Variants in LIMCH1 observed in about 807,000 individuals in gnomAD.
The protein encoded by LIMCH1 is LIM and calponin homology domains 1, also known as LIM and calponin homology domains-containing protein 1.
A neutral mutation model predicts 176.5 loss-of-function variants in LIMCH1; 113 were observed. The observed-to-expected ratio is 0.64, with a 90% confidence interval of 0.55 to 0.75. The LOEUF is 0.75. LIMCH1 is among the 30% of genes least tolerant of loss of function. The pLI is 0.00. For synonymous variants in LIMCH1, 619 were observed against 645.9 expected (o/e 0.96, Z 0.63); for missense variants, 1,674 against 1,814.9 (o/e 0.92, Z 1.41).
chr4:41,610,100 G>C (rs535419004), intron 4 of LIMCH1, among the ~76,000 whole-genome samples: 98 of 152,314 alleles, frequency 6.4e-4, no homozygotes, highest in African/African-American at 2.3e-3. Context: ...TTTGATTCTT[G>C]GCTTTCTACA....
chr4:41,511,562 C>G (rs2074926908), intron 2 of LIMCH1, among the ~76,000 whole-genome samples: 1 of 152,214 alleles, frequency 6.6e-6, no homozygotes, highest in South Asian at 2.1e-4. Context: ...TTTTAACTTT[C>G]TATTAGATGA....
At chr4:41,646,319 A>G in intron 16 of LIMCH1, 39 bp downstream of exon 16, 1 of 1,559,432 alleles carries the variant, frequency 6.4e-7, no homozygotes, top group Non-Finnish European at 8.6e-7. Context: ...GTACAATATT[A>G]TCTAGGTGTT....
intron 3 of LIMCH1, 66 bp downstream of exon 3, chr4:41,603,971 G>T: frequency 7.3e-7 from 1 of 1,364,600 alleles, no homozygotes; most frequent in Admixed American, 1.7e-5. Context: ...CTAATTCAGT[G>T]TTTCTCATAT....
At chr4:41,469,504 C>T (rs1292800297) in intron 1 of LIMCH1, among the ~76,000 whole-genome samples, 1 of 152,160 alleles carries the variant, frequency 6.6e-6, no homozygotes, top group Non-Finnish European at 1.5e-5. Context: ...CAGCCATAGG[C>T]ATTCTTCATA....
chr4:41,592,462 C>CT (rs10714719), intron 1 of LIMCH1, among the ~76,000 whole-genome samples: 26 of 150,592 alleles, frequency 1.7e-4, no homozygotes, highest in Admixed American at 1.3e-3. Context: ...CAGCAACTAT[C>CT]TTTTTTTTTT....
rs184117721 is a variant in LIMCH1, at chr4:41,662,824, C to T, written c.3131C>T (p.Pro1044Leu). 2.5e-6 allele frequency: 4 copies of T among 1,613,932 alleles called. No individual in the cohort carries two copies. The East Asian group carries it at 8.9e-5, about 36-fold the overall frequency. ...TCTGGATGTAACTCCATTGCAGAAC[C>T]ACAGCATTTTACAACAACTGTGACT... ...KGNIELASSEPQHFTTTVTRC... is the reference protein window; with the variant it reads ...KGNIELASSELQHFTTTVTRC... The change falls in exon 20 of 32, where the codon CCA (proline) becomes CTA (leucine). Residue 1044 changes from proline to leucine, a missense_variant. Pro to Leu is a moderately conservative substitution (Grantham distance 98, BLOSUM62 -3). This residue lies in a region of LIMCH1 where 1,015 missense variants were observed against 1,102.5 expected (regional missense o/e 0.92). Coordinates refer to ENST00000503057, the MANE Select transcript of LIMCH1 (RefSeq NM_001330672.2).
chr4:41,361,614 G>T (rs1472495941), intron 1 of LIMCH1, among the ~76,000 whole-genome samples: 1 of 152,184 alleles, frequency 6.6e-6, no homozygotes, highest in Non-Finnish European at 1.5e-5. Flanking sequence ...CCGAAGTACG[G>T]GCTACCCGGT....
rs2094675177 is a variant in LIMCH1 at position 41,662,829 on chromosome 4, C to A, written c.3136C>A (p.His1046Asn). 3 of 1,614,022 alleles carry A rather than the reference C, an allele frequency of 1.9e-6. No homozygotes were observed. Among genetic ancestry groups the A allele is most frequent in the Non-Finnish European group, 2.5e-6 (3 of 1,179,962 alleles). Residue 1046 changes from histidine to asparagine, a missense_variant, in exon 20 of 32, where the codon CAT becomes AAT. Coordinates refer to ENST00000503057, the MANE Select transcript of LIMCH1 (RefSeq NM_001330672.2). ...NIELASSEPQ[H>N]FTTTVTRCSP... Reference sequence around the variant, plus strand: ...ATGTAACTCCATTGCAGAACCACAGCATTTTACAACAACTGTGACTCGATG... The same window carrying A: ...ATGTAACTCCATTGCAGAACCACAGAATTTTACAACAACTGTGACTCGATG...
chr4:41,375,436 C>G (rs1045124729), intron 1 of LIMCH1, among the ~76,000 whole-genome samples: 2 of 152,026 alleles, frequency 1.3e-5, no homozygotes, highest in Non-Finnish European at 2.9e-5. Context: ...GATGTTCATC[C>G]TGGGTACTTC....
At chr4:41,403,238 A>G (rs2058644341) in intron 1 of LIMCH1, among the ~76,000 whole-genome samples, 1 of 152,014 alleles carries the variant, frequency 6.6e-6, no homozygotes, top group African/African-American at 2.4e-5. Flanking sequence ...TTCCTGGTTG[A>G]TTTATAGCAT....
At chr4:41,464,690 T>C (rs1301408493) in intron 1 of LIMCH1, among the ~76,000 whole-genome samples, 2 of 152,270 alleles carry the variant, frequency 1.3e-5, no homozygotes, top group Admixed American at 1.3e-4. Flanking sequence ...TTTTCTTAAG[T>C]AGGTCAAGTC....
At chr4:41,661,317 T>C (rs2094608972) in intron 18 of LIMCH1, 103 bp from the exon 19 acceptor site, 1 of 779,110 alleles carries the variant, frequency 1.3e-6, no homozygotes, top group Non-Finnish European at 2.1e-6. Flanking sequence ...GGAATTCATA[T>C]GGCCAAACCA....
intron 13 of LIMCH1, among the ~76,000 whole-genome samples, chr4:41,638,131 TG>T (rs2093673787): frequency 3.4e-5 from 5 of 147,030 alleles, no homozygotes; most frequent in African/African-American, 1.3e-4. Context: ...TTGTTGTTGT[TG>T]TTTTTTCATG....
At chr4:41,547,857 GTGTGTGTATATA>G (rs939641997) in intron 1 of LIMCH1, among the ~76,000 whole-genome samples, 4 of 70,016 alleles carry the variant, frequency 5.7e-5, no homozygotes, top group African/African-American at 3.2e-4. Flanking sequence ...TATAATTTGT[GTGTGTGTATATA>G]TATATATATA....
chr4:41,547,896 T>TAA (rs544044429), intron 1 of LIMCH1, among the ~76,000 whole-genome samples: 22 of 140,760 alleles, frequency 1.6e-4, no homozygotes, highest in African/African-American at 4.7e-4. Flanking sequence ...TATATATATA[T>TAA]AAACAGTGAG....
chr4:41,457,923 A>C (rs1288967712), intron 1 of LIMCH1, among the ~76,000 whole-genome samples: 1 of 152,226 alleles, frequency 6.6e-6, no homozygotes, highest in Non-Finnish European at 1.5e-5. Context: ...GGATAAATAG[A>C]TGAGGAACTA....
rs539518629 is a variant in LIMCH1, at chr4:41,613,964, A to G, written c.205+303A>G. Among the ~76,000 whole-genome samples, 13 of 152,344 alleles carry G rather than the reference A, an allele frequency of 8.5e-5. No homozygotes were observed. The South Asian group carries it at 1.2e-3, about 15-fold the overall frequency. ...AGTGAATCAAGACACTGTGCAGACC[A>G]TTAGCTCATAAAGTGTGCTGGAGGT... On this transcript the variant is annotated intron_variant, in intron 5 of 31. Coordinates refer to ENST00000503057, the MANE Select transcript of LIMCH1 (RefSeq NM_001330672.2).
chr4:41,431,559 C>T (rs75543347), intron 1 of LIMCH1, among the ~76,000 whole-genome samples: 15,602 of 152,222 alleles, frequency 0.1, 915 homozygotes, highest in African/African-American at 0.16. Context: ...CATGGGACTA[C>T]ATCAAGGAGG....
chr4:41,687,996 T>C, intron 29 of LIMCH1, 79 bp downstream of exon 29: 1 of 1,140,124 alleles, frequency 8.8e-7, no homozygotes, highest in Non-Finnish European at 1.3e-6. Context: ...ACTGAATTAG[T>C]GCTTGCCAAA....
Sources: allele counts gnomAD v4.1 joint callset (sites outside exome capture counted in the v4.1 genomes callset), GRCh38; gene constraint gnomAD v4.1.1; regional missense constraint gnomAD v4.1.1; transcripts MANE v1.5; gene names NCBI Gene and HGNC (gene_info 2026-07-23, HGNC 2026-07-21).